SNX4: variants seen among roughly 807,000 people sequenced by gnomAD.
SNX4 encodes sorting nexin-4.
In SNX4, 49 loss-of-function variants were observed where a neutral mutation model predicts 70.8. The observed-to-expected ratio is 0.69, with a 90% CI of 0.55 to 0.88. The LOEUF is 0.88. Among genes scored for constraint, SNX4 ranks in the 40% least tolerant of loss-of-function variants. The pLI is 0.00. For missense variants in SNX4, 528 were observed against 544.8 expected (o/e 0.97, Z 0.31); for synonymous variants, 206 against 183.8 (o/e 1.12, Z -0.98).
rs71148182 is a variant in SNX4, at chr3:125,506,817, TAAAAAAAAAAAAAAAAAAAA to T, written c.142-2093_142-2074del. Among the ~76,000 whole-genome samples the T allele has an allele frequency of 1.6e-3, 42 of 26,836 alleles. 1 individual carries two copies. Among genetic ancestry groups the T allele is most frequent in the African/African-American group, 3.2e-3 (33 of 10,274 alleles). 17.6% of individuals were successfully genotyped at this position (26,836 alleles called of 152,430 possible). On this transcript the variant is annotated intron_variant, in intron 1 of 13. Coordinates refer to ENST00000251775, the MANE Select transcript of SNX4 (RefSeq NM_003794.4). Reference sequence around the variant, plus strand: ...AACTTAAAGAAAGATGTGGAGAAAGTAAAAAAAAAAAAAAAAAAAAAAAAAAAAAAAAAAAAAAGATGTAT... The same window carrying T: ...AACTTAAAGAAAGATGTGGAGAAAGTAAAAAAAAAAAAAAAAAAGATGTAT...
intron 8 of SNX4, among the ~76,000 whole-genome samples, chr3:125,475,989 C>T (rs902799475): frequency 1.3e-5 from 2 of 150,948 alleles, no homozygotes; most frequent in South Asian, 2.1e-4. Context: ...AAAAAAAAAA[C>T]CGGGTGCAGT....
chr3:125,457,344 T>A lies in SNX4; in HGVS notation c.966A>T (p.Glu322Asp), dbSNP rs1016970785. Residue 322 changes from glutamate (E) to aspartate (D), a missense_variant, in exon 11 of 14, where the codon GAA becomes GAT. Physicochemically the swap from Glu to Asp is conservative, Grantham distance 45. Transcript: ENST00000251775. ...EALRAVCRKH[E>D]LMQYDLEMAA... ...CCATCTCCAAGTCATACTGCATAAGTTCATGTTTCCTGCACACAGCCCTAC... is the reference window on the plus strand; with the variant it reads ...CCATCTCCAAGTCATACTGCATAAGATCATGTTTCCTGCACACAGCCCTAC... 1.4e-5 allele frequency: 22 copies of A among 1,613,784 alleles called. No individual in the cohort carries two copies. The African/African-American group carries it at 2.5e-4, about 19-fold the overall frequency.
rs34708524 is a variant in SNX4, at chr3:125,481,447, C to CTT, written c.654-1130_654-1129dup. Among the ~76,000 whole-genome samples, 100 of 134,842 alleles carry CTT rather than the reference C, an allele frequency of 7.4e-4. 1 individual carries two copies. The highest frequency in any genetic ancestry group is 1.1e-3 in the Non-Finnish European group (68 of 62,938). 88.5% of individuals were successfully genotyped at this position (134,842 alleles called of 152,430 possible). On this transcript the variant is annotated intron_variant, in intron 6 of 13. Coordinates refer to ENST00000251775, the MANE Select transcript of SNX4 (RefSeq NM_003794.4). The stretch of plus-strand genomic sequence containing the variant: ...GTAGTCTGCAAAAAATTCCTGAAAT[C>CTT]TTTTTTTTTTTTTTTTTTGAGACAG...
chr3:125,518,478 C>T lies in SNX4; in HGVS notation c.141+1554G>A, dbSNP rs188167703. Reference sequence around the variant, plus strand: ...ACCTGTCTCAAAGAAAAAAAAAGCACATCCAAAAAAGTCTTCATGCTACCT... The same window carrying T: ...ACCTGTCTCAAAGAAAAAAAAAGCATATCCAAAAAAGTCTTCATGCTACCT... On this transcript the variant is annotated intron_variant, in intron 1 of 13. Coordinates refer to ENST00000251775, the MANE Select transcript of SNX4 (RefSeq NM_003794.4). 5.3e-5 allele frequency among the ~76,000 whole-genome samples: 8 copies of T among 151,676 alleles called. No individual in the cohort carries two copies. The East Asian group carries it at 1.4e-3, about 26-fold the overall frequency.
At chr3:125,472,892 C>G (rs1339864714) in intron 8 of SNX4, among the ~76,000 whole-genome samples, 1 of 152,142 alleles carries the variant, frequency 6.6e-6, no homozygotes, top group Non-Finnish European at 1.5e-5. Context: ...TCCCTATCTT[C>G]TCCCTTGTCC....
At chr3:125,465,612 A>T (rs1420026681) in intron 9 of SNX4, among the ~76,000 whole-genome samples, 3 of 151,716 alleles carry the variant, frequency 2.0e-5, no homozygotes, top group African/African-American at 7.3e-5. Context: ...TAGCTATTCT[A>T]GGTTCTTTAA....
chr3:125,516,418 G>A (rs1280125206), intron 1 of SNX4, among the ~76,000 whole-genome samples: 1 of 152,196 alleles, frequency 6.6e-6, no homozygotes, highest in East Asian at 1.9e-4. Context: ...CTTACATAGA[G>A]TTTAAAGAAT....
chr3:125,461,899 C>T (rs369705269), intron 9 of SNX4, among the ~76,000 whole-genome samples: 11 of 152,074 alleles, frequency 7.2e-5, no homozygotes, highest in Admixed American at 6.6e-4. Context: ...CTGACCCACT[C>T]GCCTCAGCCT....
intron 5 of SNX4, among the ~76,000 whole-genome samples, chr3:125,495,717 A>G (rs1934779384): frequency 6.6e-6 from 1 of 152,220 alleles, no homozygotes; most frequent in African/African-American, 2.4e-5. Flanking sequence ...ACTGTATTCA[A>G]AGACAAAAAC....
In SNX4 at chr3:125,465,265, G is replaced by T. The variant is rs530567699; in HGVS notation, c.854+4189C>A. Among the ~76,000 whole-genome samples the T allele has an allele frequency of 2.0e-5, 3 of 151,094 alleles. No individual in the cohort carries two copies. The East Asian group carries it at 5.9e-4, about 30-fold the overall frequency. ...CTTTTTTTTTTTTTTGGGAGGTGGG[G>T]ACAGAGTTTCACTCTTGTCACCCAG... On this transcript the variant is annotated intron_variant, in intron 9 of 13. Transcript: ENST00000251775.
At chr3:125,492,502 T>G (rs1056440082) in intron 5 of SNX4, among the ~76,000 whole-genome samples, 1 of 152,122 alleles carries the variant, frequency 6.6e-6, no homozygotes, top group African/African-American at 2.4e-5. Flanking sequence ...TAAATGTCCC[T>G]ATTTCCTCTC....
At chr3:125,500,965 AC>A (rs1934919111) in intron 2 of SNX4, among the ~76,000 whole-genome samples, 1 of 151,696 alleles carries the variant, frequency 6.6e-6, no homozygotes, top group Admixed American at 6.6e-5. Flanking sequence ...TGGGCTTTCT[AC>A]TTGTATCCAG....
chr3:125,476,970 A>G (rs189326033), intron 7 of SNX4, among the ~76,000 whole-genome samples: 5 of 152,318 alleles, frequency 3.3e-5, no homozygotes, highest in Admixed American at 2.6e-4. Flanking sequence ...CTTTTTCTGC[A>G]AAGTTTTTAA....
chr3:125,455,202 C>T (rs1008176310), intron 11 of SNX4, among the ~76,000 whole-genome samples: 12 of 152,092 alleles, frequency 7.9e-5, no homozygotes, highest in East Asian at 3.9e-4. Context: ...CTAAAGGTGT[C>T]GGGATTGCCA....
At chr3:125,498,389 C>T (rs1934857985) in intron 2 of SNX4, among the ~76,000 whole-genome samples, 195 bp from the exon 3 acceptor site, 1 of 152,120 alleles carries the variant, frequency 6.6e-6, no homozygotes, top group South Asian at 2.1e-4. Context: ...GTGCAATCAC[C>T]ACTTACTGCA....
At chr3:125,476,596 A>G in intron 8 of SNX4, 99 bp downstream of exon 8, 1 of 768,540 alleles carries the variant, frequency 1.3e-6, no homozygotes, top group East Asian at 2.6e-5. Flanking sequence ...CAAAAAAAGA[A>G]ATAATCTTCT....
chr3:125,470,417 C>T (rs1005608571), intron 8 of SNX4, among the ~76,000 whole-genome samples: 1 of 150,680 alleles, frequency 6.6e-6, no homozygotes, highest in Non-Finnish European at 1.5e-5. Context: ...TCAATTCCAA[C>T]ATATCATAAA....
At chr3:125,511,833 A>C (rs1050038218) in intron 1 of SNX4, among the ~76,000 whole-genome samples, 1 of 152,196 alleles carries the variant, frequency 6.6e-6, no homozygotes, top group Non-Finnish European at 1.5e-5. Flanking sequence ...AAAGCTACAC[A>C]TATCAAATTA....
chr3:125,472,133 C>T (rs1460199392), intron 8 of SNX4, among the ~76,000 whole-genome samples: 1 of 152,134 alleles, frequency 6.6e-6, no homozygotes. Flanking sequence ...CATTCTTTCA[C>T]TCCAACCTCC....
Sources: allele counts gnomAD v4.1 joint callset (sites outside exome capture counted in the v4.1 genomes callset), GRCh38; gene constraint gnomAD v4.1.1; transcripts MANE v1.5; gene names NCBI Gene and HGNC (gene_info 2026-07-23, HGNC 2026-07-21).